Variants in PEAR1 observed in about 807,000 individuals in gnomAD.
PEAR1 encodes multiple EGF-like domains protein 12.
PEAR1 carries 113 observed loss-of-function variants against 131.2 expected under a neutral mutation model. The ratio of observed to expected loss-of-function variants is 0.86; its 90% CI spans 0.74 to 1.01. The LOEUF (loss-of-function observed/expected upper bound fraction) is 1.01. Among genes scored for constraint, PEAR1 ranks in the 50% least tolerant of loss-of-function variants. The pLI, the probability that PEAR1 is intolerant of heterozygous loss-of-function variation, is 0.00. For synonymous variants in PEAR1, 565 were observed against 523.3 expected (o/e 1.08, Z -1.09); for missense variants, 1,408 against 1,391.1 (o/e 1.01, Z -0.19).
intron 1 of PEAR1, among the ~76,000 whole-genome samples, chr1:156,899,760 C>G (rs1649496586): frequency 6.6e-6 from 1 of 152,002 alleles, no homozygotes. Flanking sequence ...TAATCTTATC[C>G]CCATTTTCTA....
chr1:156,895,887 C>T (rs974166124), intron 1 of PEAR1, among the ~76,000 whole-genome samples: 1 of 152,128 alleles, frequency 6.6e-6, no homozygotes, highest in African/African-American at 2.4e-5. Flanking sequence ...TCAAGACCGG[C>T]CTGGTCAACA....
intron 11 of PEAR1, 129 bp downstream of exon 11, chr1:156,909,165 G>A (rs1650749554): frequency 5.6e-6 from 7 of 1,246,478 alleles, no homozygotes; most frequent in Middle Eastern, 2.2e-4. Context: ...GCAGCAGCTG[G>A]ACACAGGGAA....
Position 156,906,916 on chromosome 1 carries a change from G to T in PEAR1, c.644+36G>T, listed in dbSNP as rs539569615. ...GGGGGAACGACACTTTAACAAGATC[G>T]CAGACACAAGGCCACACAGATCTAT... On this transcript the variant is annotated intron_variant, in intron 6 of 22. Transcript: ENST00000292357. The T allele has an allele frequency of 4.7e-5, 75 of 1,596,630 alleles. 1 individual carries two copies. The South Asian group carries it at 6.8e-4, about 15-fold the overall frequency.
At chr1:156,913,357 C>T in intron 19 of PEAR1, 34 bp from the exon 20 acceptor site, 2 of 1,608,244 alleles carry the variant, frequency 1.2e-6, no homozygotes, top group South Asian at 1.1e-5. Flanking sequence ...CTGTCCTTGC[C>T]TCTTGCTCTC....
In PEAR1 at chr1:156,906,583, G is replaced by A. The variant is rs951370087; in HGVS notation, c.401-54G>A. On this transcript the variant is annotated intron_variant, in intron 5 of 22. Coordinates refer to ENST00000292357, the MANE Select transcript of PEAR1 (RefSeq NM_001080471.3). ...GAGGCTGGGAGACAGAGACGGGGAGGCTGGGGATGGACTAGACCCCTGGTG... is the reference window on the plus strand; with the variant it reads ...GAGGCTGGGAGACAGAGACGGGGAGACTGGGGATGGACTAGACCCCTGGTG... The A allele has an allele frequency of 3.3e-5, 53 of 1,604,294 alleles. No individual in the cohort carries two copies. The African/African-American group carries it at 7.0e-4, about 21-fold the overall frequency.
At chr1:156,907,469 T>C (rs772761872) in intron 6 of PEAR1, 141 bp from the exon 7 acceptor site, 1 of 1,416,730 alleles carries the variant, frequency 7.1e-7, no homozygotes, top group East Asian at 2.5e-5. Flanking sequence ...CTTTGCTTTC[T>C]GACTCGACAG....
chr1:156,895,963 G>A (rs1034546790), intron 1 of PEAR1, among the ~76,000 whole-genome samples: 4 of 152,092 alleles, frequency 2.6e-5, no homozygotes, highest in African/African-American at 9.7e-5. Context: ...CCGCCCATGG[G>A]CCCATCTACT....
Position 156,914,731 on chromosome 1 carries a change from C to T in PEAR1, c.3047C>T (p.Pro1016Leu), listed in dbSNP as rs1651702049. 1 of 1,614,000 alleles carries T rather than the reference C, an allele frequency of 6.2e-7. No homozygotes were observed. The highest frequency in any genetic ancestry group is 8.5e-7 in the Non-Finnish European group (1 of 1,179,970). The part of the protein sequence containing the change: ...HYDSPKNSHI[P>L]GHYDLPPVRH... ...GACTCACCCAAGAACAGCCACATCC[C>T]TGGACATTATGACTTGCCTCCAGTA... Residue 1016 changes from proline (P) to leucine (L), a missense_variant, in exon 23 of 23, where the codon CCT becomes CTT. Transcript: ENST00000292357.
intron 15 of PEAR1, among the ~76,000 whole-genome samples, chr1:156,911,115 C>CTTATTTCT (rs1553269305): frequency 1.1e-5 from 1 of 87,846 alleles, no homozygotes; most frequent in African/African-American, 5.0e-5. Flanking sequence ...TCTTTTCTTT[C>CTTATTTCT]TTCTTTCTTT....
intron 18 of PEAR1, 74 bp downstream of exon 18, chr1:156,913,056 C>T: frequency 1.3e-6 from 2 of 1,587,338 alleles, no homozygotes; most frequent in Non-Finnish European, 1.7e-6. Flanking sequence ...TGGGCATGAC[C>T]CAAAGGGAAG....
chr1:156,910,590 C>G (rs998584801), intron 14 of PEAR1, 28 bp from the exon 15 acceptor site: 3 of 1,611,840 alleles, frequency 1.9e-6, no homozygotes, highest in East Asian at 4.5e-5. Context: ...GCCTCTGCCC[C>G]CAATCACCAT....
At chr1:156,895,572 C>CAGAGAT (rs1261590632) in intron 1 of PEAR1, among the ~76,000 whole-genome samples, 4 of 152,168 alleles carry the variant, frequency 2.6e-5, no homozygotes, top group Admixed American at 1.3e-4. Context: ...AACACAAAGA[C>CAGAGAT]AGAGATAGAG....
At chr1:156,911,479 T>C (rs1323182643) in intron 15 of PEAR1, among the ~76,000 whole-genome samples, 2 of 151,956 alleles carry the variant, frequency 1.3e-5, no homozygotes, top group Non-Finnish European at 2.9e-5. Context: ...CCCTGGGGTT[T>C]CATCATATTG....
At chr1:156,913,799 G>T (rs1276567841) in intron 21 of PEAR1, 39 bp downstream of exon 21, 3 of 1,612,038 alleles carry the variant, frequency 1.9e-6, no homozygotes, top group East Asian at 4.5e-5. Flanking sequence ...GGCTGAGCTG[G>T]GGCTGAGGAA....
chr1:156,905,376 C>A lies in PEAR1; in HGVS notation c.259C>A (p.Arg87Ser), dbSNP rs150236151. 7 of 1,610,906 alleles carry A rather than the reference C, an allele frequency of 4.3e-6. No individual in the cohort carries two copies. The African/African-American group carries it at 5.3e-5, about 12-fold the overall frequency. Reference sequence around the variant, plus strand: ...GGTGGTGAAGACGGACCACCGCCAGCGCCTGCAGTGCTGCCATGGCTTCTA... The same window carrying A: ...GGTGGTGAAGACGGACCACCGCCAGAGCCTGCAGTGCTGCCATGGCTTCTA... Reference protein sequence around the residue: ...RQVVKTDHRQRLQCCHGFYES... With the variant: ...RQVVKTDHRQSLQCCHGFYES... Residue 87 changes from arginine (R) to serine (S), a missense_variant, in exon 4 of 23, where the codon CGC (arginine) becomes AGC (serine). Coordinates refer to ENST00000292357, the MANE Select transcript of PEAR1 (RefSeq NM_001080471.3).
At position 156,908,635 on chromosome 1, in the gene PEAR1, G is replaced by C; in HGVS notation, c.1116-20G>C. ...CCCTGCCCAGCTCAGACCGCGCCAC[G>C]CCCCCGCCTCTGCCCCCAGCTGCCA... On this transcript the variant is annotated intron_variant, in intron 9 of 22. Transcript: ENST00000292357. This position sits in a 1 kb window ranked among gnomAD's most constrained non-coding sequence, Gnocchi z 4.2. 6.6e-7 allele frequency: 1 copy of C among 1,507,282 alleles called. No individual in the cohort carries two copies. The highest frequency in any genetic ancestry group is 8.8e-7 in the Non-Finnish European group (1 of 1,131,286). The allele number at this position is 1,507,282 out of a possible 1,614,324, so 93.4% of individuals were successfully genotyped here.
chr1:156,901,095 C>T (rs1238632027), intron 1 of PEAR1, among the ~76,000 whole-genome samples: 1 of 152,200 alleles, frequency 6.6e-6, no homozygotes, highest in African/African-American at 2.4e-5. Flanking sequence ...GCCAGGACCC[C>T]CATCTCATCT....
At chr1:156,914,550 G>A in intron 22 of PEAR1, 97 bp from the exon 23 acceptor site, 2 of 1,268,660 alleles carry the variant, frequency 1.6e-6, no homozygotes, top group South Asian at 3.0e-5. Flanking sequence ...TCTTTGCCTT[G>A]AAGAGGCTGA....
In PEAR1 at chr1:156,906,272, C is replaced by T; in HGVS notation, c.308-4C>T. On this transcript the variant is annotated splice_region_variant and splice_polypyrimidine_tract_variant and intron_variant, in intron 4 of 22. Transcript: ENST00000292357. ...ACATCTCACCACACCCATCTCTGTC[C>T]CAGCGCTCTGTGCCCAGGAGTGTGT... 6.2e-7 allele frequency: 1 copy of T among 1,614,072 alleles called. No homozygotes were observed. The highest frequency in any genetic ancestry group is 8.5e-7 in the Non-Finnish European group (1 of 1,179,936).
Sources: gnomAD v4.1 joint callset for allele counts (sites outside exome capture counted in the v4.1 genomes callset) on GRCh38, gnomAD v4.1.1 for gene constraint, Gnocchi (gnomAD v3.1) non-coding constraint, MANE v1.5 for transcripts, NCBI Gene and HGNC (gene_info 2026-07-23, HGNC 2026-07-21) for gene names.